The following VPS4B variants were observed in gnomAD, a reference collection of about 807,000 sequenced individuals.
VPS4B encodes vacuolar protein sorting 4 homolog B.
Under a neutral mutation model 56.1 loss-of-function variants are expected in VPS4B, and 23 were observed. The ratio of observed to expected loss-of-function variants is 0.41; its 90% CI spans 0.30 to 0.58. The LOEUF (loss-of-function observed/expected upper bound fraction) is 0.58, where lower values mean the gene tolerates loss of function less well. Among genes scored for constraint, VPS4B ranks in the 20% least tolerant of loss-of-function variants. VPS4B has a pLI of 0.29. For synonymous variants in VPS4B, 177 were observed against 186.0 expected (o/e 0.95, Z 0.39); for missense variants, 372 against 531.9 (o/e 0.70, Z 2.96).
At chr18:63,421,913 A>C (rs1295544527) in intron 1 of VPS4B, among the ~76,000 whole-genome samples, 1 of 152,188 alleles carries the variant, frequency 6.6e-6, no homozygotes, top group East Asian at 1.9e-4. Context: ...AGGGCTTTGC[A>C]AAAATTACGT....
chr18:63,413,237 G>A (rs901851992), intron 1 of VPS4B, among the ~76,000 whole-genome samples: 2 of 152,172 alleles, frequency 1.3e-5, no homozygotes, highest in Admixed American at 1.3e-4. Flanking sequence ...TGCCACTGCA[G>A]ACAACTGGAT....
Position 63,404,263 on chromosome 18 carries a change from T to A in VPS4B, c.365-437A>T, listed in dbSNP as rs540889821. 2.6e-5 allele frequency among the ~76,000 whole-genome samples: 4 copies of A among 151,966 alleles called. No homozygotes were observed. The South Asian group carries it at 6.2e-4, about 24-fold the overall frequency. ...TTCTCCTGTTAACCAAAAGAAAAGGTGATCTAATCCTCTCCTCAACCACTG... is the reference window on the plus strand; with the variant it reads ...TTCTCCTGTTAACCAAAAGAAAAGGAGATCTAATCCTCTCCTCAACCACTG... On this transcript the variant is annotated intron_variant, in intron 4 of 10. Transcript: ENST00000238497.
intron 1 of VPS4B, chr18:63,415,776 C>A: frequency 8.8e-6 from 2 of 226,246 alleles, no homozygotes. Context: ...ACAGCTCCCT[C>A]ACCATTCTTG....
rs760924796 is a variant in VPS4B, at chr18:63,422,276, G to A, written c.-17C>T. On this transcript the variant is annotated 5_prime_UTR_variant, in exon 1 of 11. Coordinates refer to ENST00000238497, the MANE Select transcript of VPS4B (RefSeq NM_004869.4). ...GGATGACATGGCGGAGTTCCCAGGC[G>A]GTTCCCAAGGGAACGAGGGGCGAGG... The A allele has an allele frequency of 8.7e-6, 13 of 1,499,208 alleles. No homozygotes were observed. The South Asian group carries it at 1.3e-4, about 15-fold the overall frequency. The allele number at this position is 1,499,208 out of a possible 1,614,324, so 92.9% of individuals were successfully genotyped here.
chr18:63,413,126 A>C (rs1298693200), intron 1 of VPS4B, among the ~76,000 whole-genome samples: 2 of 152,196 alleles, frequency 1.3e-5, no homozygotes, highest in African/African-American at 4.8e-5. Flanking sequence ...ACACATAAAA[A>C]CACATAAGGA....
At chr18:63,417,456 A>C (rs114102891) in intron 1 of VPS4B, among the ~76,000 whole-genome samples, 2,926 of 151,962 alleles carry the variant, frequency 0.019, 91 homozygotes, top group African/African-American at 0.067. Flanking sequence ...CTGAGCCCCC[A>C]ACCACCACTT....
At chr18:63,415,454 C>T in intron 1 of VPS4B, 2 of 297,160 alleles carry the variant, frequency 6.7e-6, no homozygotes, top group Admixed American at 3.7e-5. Context: ...CTGTATATGA[C>T]TTTCACTTCA....
intron 9 of VPS4B, 150 bp downstream of exon 9, chr18:63,396,884 G>A: frequency 3.0e-6 from 2 of 675,688 alleles, no homozygotes; most frequent in South Asian, 1.9e-5. Context: ...CAGCTACTCA[G>A]GAGGCTAAGG....
intron 3 of VPS4B, among the ~76,000 whole-genome samples, chr18:63,409,541 A>G (rs1169432560): frequency 6.6e-6 from 1 of 152,200 alleles, no homozygotes; most frequent in Non-Finnish European, 1.5e-5. Flanking sequence ...GCATCAATTA[A>G]TAGGACAGCC....
rs567839779 is a variant in VPS4B, at chr18:63,401,993, C to CA, written c.485-1291dup. Among the ~76,000 whole-genome samples the CA allele has an allele frequency of 7.9e-5, 12 of 151,080 alleles. No homozygotes were observed. In the East Asian group the frequency reaches 2.3e-3, roughly 29 times the overall value. ...GGGTGACAAGAGTGAAACTCTGTCT[C>CA]AAAAAAAGAAACAAAACAAAACAAA... On this transcript the variant is annotated intron_variant, in intron 5 of 10. Coordinates refer to ENST00000238497, the MANE Select transcript of VPS4B (RefSeq NM_004869.4).
chr18:63,400,024 G>GAAAAAAA, intron 7 of VPS4B, 24 bp downstream of exon 7: 1 of 1,502,266 alleles, frequency 6.7e-7, no homozygotes, highest in Middle Eastern at 1.8e-4. Flanking sequence ...GTCTCAAAAA[G>GAAAAAAA]AAAAAAAAAA....
intron 4 of VPS4B, among the ~76,000 whole-genome samples, chr18:63,406,502 T>C (rs1915920033): frequency 6.6e-6 from 1 of 152,238 alleles, no homozygotes; most frequent in African/African-American, 2.4e-5. Context: ...AGTTATGCAT[T>C]CTATTTGGTA....
intron 1 of VPS4B, among the ~76,000 whole-genome samples, chr18:63,418,894 C>T (rs1330904255): frequency 6.6e-6 from 1 of 152,194 alleles, no homozygotes; most frequent in African/African-American, 2.4e-5. Flanking sequence ...CTAGTCCACT[C>T]TCCCTACTTC....
chr18:63,404,164 G>A (rs1915868340), intron 4 of VPS4B, among the ~76,000 whole-genome samples: 1 of 152,132 alleles, frequency 6.6e-6, no homozygotes, highest in South Asian at 2.1e-4. Flanking sequence ...GTTTGGAAAA[G>A]CACCAAACGT....
chr18:63,415,508 T>C, intron 1 of VPS4B: 1 of 299,072 alleles, frequency 3.3e-6, no homozygotes, highest in South Asian at 3.9e-5. Context: ...TTTCTCTGGT[T>C]GATCCCCTGG....
chr18:63,422,236 G>A lies in VPS4B; in HGVS notation c.24C>T (p.Leu8=), dbSNP rs746630999. The A allele has an allele frequency of 1.3e-6, 2 of 1,514,250 alleles. No individual in the cohort carries two copies. The highest frequency in any genetic ancestry group is 5.4e-5 in the East Asian group (2 of 37,082). 93.8% of individuals were successfully genotyped at this position (1,514,250 alleles called of 1,614,324 possible). ...GACGGGAGATGAGCAATGATACCTGGAGGTTGGGCGAAGTGGATGACATGG... is the reference window on the plus strand; with the variant it reads ...GACGGGAGATGAGCAATGATACCTGAAGGTTGGGCGAAGTGGATGACATGG... The part of the protein sequence containing the change: MSSTSPN[L]QKAIDLASKA... Residue 8 remains leucine (L), a synonymous_variant, in exon 1 of 11, where the codon CTC becomes CTT. Coordinates refer to ENST00000238497, the MANE Select transcript of VPS4B (RefSeq NM_004869.4).
intron 1 of VPS4B, among the ~76,000 whole-genome samples, chr18:63,419,921 G>A (rs1916256492): frequency 1.3e-5 from 2 of 152,166 alleles, no homozygotes; most frequent in Middle Eastern, 3.4e-3. Context: ...TAAGCATCTG[G>A]CCACAGAGAT....
Position 63,390,980 on chromosome 18 carries a change from C to A in VPS4B, c.1330G>T (p.Gly444Cys). 1.2e-6 allele frequency: 2 copies of A among 1,607,854 alleles called. No individual in the cohort carries two copies. The highest frequency in any genetic ancestry group is 2.2e-5 in the East Asian group (1 of 44,728). ...KKFTEDFGQE[G>C] ...GCATCTTCCTTGTCTTTGGCTTAGC[C>A]TTCTTGACCAAAATCTTCTGTAAAC... Residue 444 changes from glycine to cysteine, a missense_variant, in exon 11 of 11, where the codon GGC becomes TGC. Gly to Cys is a radical substitution (Grantham distance 159, BLOSUM62 -3). Coordinates refer to ENST00000238497, the MANE Select transcript of VPS4B (RefSeq NM_004869.4).
chr18:63,400,592 A>G lies in VPS4B; in HGVS notation c.596T>C (p.Ile199Thr), dbSNP rs960455655. 1 of 1,610,508 alleles carries G rather than the reference A, an allele frequency of 6.2e-7. No homozygotes were observed. Among genetic ancestry groups the G allele is most frequent in the Non-Finnish European group, 8.5e-7 (1 of 1,179,212 alleles). Residue 199 changes from isoleucine to threonine, a missense_variant, in exon 6 of 11, where the codon ATA becomes ACA. Transcript: ENST00000238497. ...TEANNSTFFS[I>T]SSSDLVSKWL... ...CTTAGAAACAAGATCAGAGGAAGATATTGAAAAAAATGTTGAGTTGTTGGC... is the reference window on the plus strand; with the variant it reads ...CTTAGAAACAAGATCAGAGGAAGATGTTGAAAAAAATGTTGAGTTGTTGGC...
Sources: allele counts gnomAD v4.1 joint callset (sites outside exome capture counted in the v4.1 genomes callset), GRCh38; gene constraint gnomAD v4.1.1; transcripts MANE v1.5; gene names NCBI Gene and HGNC (gene_info 2026-07-23, HGNC 2026-07-21).